Variants in TTC27 observed in about 807,000 individuals in gnomAD.
TTC27 encodes tetratricopeptide repeat domain 27, also known as tetratricopeptide repeat protein 27.
TTC27 carries 79 observed loss-of-function variants against 115.9 expected under a neutral mutation model. The ratio of observed to expected loss-of-function variants is 0.68; its 90% CI spans 0.57 to 0.82. The LOEUF is 0.82. Among genes scored for constraint, TTC27 ranks in the 40% least tolerant of loss-of-function variants. The probability of loss-of-function intolerance (pLI) is 0.00; values close to 1 mark genes in which losing one functional copy is unlikely to be tolerated. For missense variants in TTC27, 1,054 were observed against 993.1 expected, an observed-to-expected ratio of 1.06 and a Z score of -0.82; for synonymous variants, 401 against 356.0, an observed-to-expected ratio of 1.13 and a Z score of -1.42.
Position 32,701,544 on chromosome 2 carries a change from G to A in TTC27, c.1120-1263G>A, listed in dbSNP as rs547084789. On this transcript the variant is annotated intron_variant, in intron 9 of 19. Transcript: ENST00000317907. ...TGCTTCATTTTCCTCTTATTGTAAG[G>A]GGGTTGGTCTATATTAGAGTTAGTT... Among the ~76,000 whole-genome samples, 3 of 152,198 alleles carry A rather than the reference G, an allele frequency of 2.0e-5. No individual in the cohort carries two copies. In the South Asian group the frequency reaches 6.2e-4, roughly 32 times the overall value.
intron 18 of TTC27, among the ~76,000 whole-genome samples, chr2:32,816,427 T>C (rs1358288734): frequency 6.6e-6 from 1 of 152,140 alleles, no homozygotes; most frequent in Non-Finnish European, 1.5e-5. Flanking sequence ...TGATTATTGG[T>C]CTGTTTGAAT....
chr2:32,717,849 T>C (rs1272637254), intron 10 of TTC27, among the ~76,000 whole-genome samples: 3 of 152,198 alleles, frequency 2.0e-5, no homozygotes, highest in Admixed American at 6.5e-5. Flanking sequence ...TCTGGATGTA[T>C]CTAAATTTGA....
chr2:32,657,187 G>T (rs1432574700), intron 5 of TTC27, among the ~76,000 whole-genome samples: 1 of 151,506 alleles, frequency 6.6e-6, no homozygotes, highest in Non-Finnish European at 1.5e-5. Flanking sequence ...GGGTTTCACT[G>T]TGTTAGCCAG....
chr2:32,698,073 TG>T (rs1667054210), intron 9 of TTC27, among the ~76,000 whole-genome samples: 1 of 152,196 alleles, frequency 6.6e-6, no homozygotes, highest in African/African-American at 2.4e-5. Context: ...TTACAAAGCA[TG>T]GTAGCACATT....
intron 18 of TTC27, among the ~76,000 whole-genome samples, chr2:32,816,617 C>T (rs2148052378): frequency 6.6e-6 from 1 of 152,344 alleles, no homozygotes; most frequent in South Asian, 2.1e-4. Flanking sequence ...CCCCAGAATG[C>T]TGGGAGCAGA....
In TTC27 at chr2:32,628,075, G is replaced by C. The variant is rs771096865; in HGVS notation, c.-218G>C. ...CTTCTCCTAGGCGGAAGCCAGACCAGAGAGCGTGCGTGTTTTTCCCAGGGT... is the reference window on the plus strand; with the variant it reads ...CTTCTCCTAGGCGGAAGCCAGACCACAGAGCGTGCGTGTTTTTCCCAGGGT... On this transcript the variant is annotated 5_prime_UTR_variant, in exon 1 of 20. Transcript: ENST00000317907. 9 of 545,256 alleles carry C rather than the reference G, an allele frequency of 1.7e-5. No individual in the cohort carries two copies. The East Asian group carries it at 3.1e-4, about 19-fold the overall frequency. The allele number at this position is 545,256 out of a possible 1,614,324, so 33.8% of individuals were successfully genotyped here.
In TTC27 at chr2:32,820,843, G is replaced by C; in HGVS notation, c.2437G>C (p.Glu813Gln). The change falls in exon 20 of 20, where the codon GAA becomes CAA. Residue 813 changes from glutamate (E) to glutamine (Q), a missense_variant. Transcript: ENST00000317907. The part of the protein sequence containing the change: ...KQLFTDVATG[E>Q]MSRELADDIT... ...ACTTTTTACAGATGTGGCAACTGGA[G>C]AAATGTCCAGGGAATTAGCTGATGA... 6.5e-7 allele frequency: 1 copy of C among 1,538,770 alleles called. No individual in the cohort carries two copies. Among genetic ancestry groups the C allele is most frequent in the Non-Finnish European group, 8.8e-7 (1 of 1,138,706 alleles).
Position 32,737,587 on chromosome 2 carries a change from A to C in TTC27, c.1452+771A>C. On this transcript the variant is annotated intron_variant, in intron 12 of 19. Transcript: ENST00000317907. The stretch of plus-strand genomic sequence containing the variant: ...TGTGTTTTTCTTAAATACCTTCCTA[A>C]GTATGTCTATTTTAGATTAATAGTG... Among the ~76,000 whole-genome samples the C allele has an allele frequency of 1.3e-5, 2 of 152,162 alleles. 1 individual carries two copies. The highest frequency in any genetic ancestry group is 4.1e-4 in the South Asian group (2 of 4,820).
chr2:32,707,782 A>G (rs956393276), intron 10 of TTC27, among the ~76,000 whole-genome samples: 1 of 152,136 alleles, frequency 6.6e-6, no homozygotes, highest in Non-Finnish European at 1.5e-5. Flanking sequence ...AGAAGCATTT[A>G]CAGCTCAGTA....
chr2:32,632,684 T>C (rs961225085), intron 2 of TTC27, among the ~76,000 whole-genome samples: 1 of 152,140 alleles, frequency 6.6e-6, no homozygotes, highest in Non-Finnish European at 1.5e-5. Context: ...TTTTTTTTTC[T>C]TTTTCTGAAA....
chr2:32,734,181 C>T (rs976008246), intron 11 of TTC27, among the ~76,000 whole-genome samples: 5 of 151,922 alleles, frequency 3.3e-5, no homozygotes, highest in Admixed American at 3.3e-4. Context: ...ATCATAAATG[C>T]TTGCATTTTG....
chr2:32,708,609 CTTTT>C (rs1301971944), intron 10 of TTC27, among the ~76,000 whole-genome samples: 1 of 151,774 alleles, frequency 6.6e-6, no homozygotes, highest in Non-Finnish European at 1.5e-5. Flanking sequence ...CGCCCGGCCT[CTTTT>C]TTTATTTTTC....
chr2:32,660,778 T>C (rs529693475), intron 5 of TTC27, among the ~76,000 whole-genome samples: 63 of 152,316 alleles, frequency 4.1e-4, no homozygotes, highest in East Asian at 3.1e-3. Context: ...TTTAATTAGA[T>C]CTCATTTGTC....
At chr2:32,738,442 T>G (rs894077407) in intron 12 of TTC27, among the ~76,000 whole-genome samples, 3 of 152,238 alleles carry the variant, frequency 2.0e-5, no homozygotes, top group Non-Finnish European at 2.9e-5. Context: ...TTCTTCATAT[T>G]TTAATATCTC....
chr2:32,640,934 A>G lies in TTC27; in HGVS notation c.537+524A>G, dbSNP rs527882326. On this transcript the variant is annotated intron_variant, in intron 4 of 19. Coordinates refer to ENST00000317907, the MANE Select transcript of TTC27 (RefSeq NM_017735.5). The stretch of plus-strand genomic sequence containing the variant: ...GAGGTGGAGGTTGCAGTGAGCCGTG[A>G]TTGCGCCATTGCACTCCAGCCTGGG... 4.3e-4 allele frequency among the ~76,000 whole-genome samples: 65 copies of G among 152,250 alleles called. 2 individuals are homozygous for G. The South Asian group carries it at 0.014, about 32-fold the overall frequency.
At chr2:32,765,570 C>G (rs949036259) in intron 13 of TTC27, among the ~76,000 whole-genome samples, 1 of 152,090 alleles carries the variant, frequency 6.6e-6, no homozygotes, top group African/African-American at 2.4e-5. Context: ...GTATTAGCCC[C>G]TAATAGGAGA....
rs576570562 is a variant in TTC27 at position 32,777,885 on chromosome 2, G to A, written c.1684G>A (p.Gly562Arg). 5.8e-5 allele frequency: 94 copies of A among 1,613,836 alleles called. No individual in the cohort carries two copies. The South Asian group carries it at 9.1e-4, about 16-fold the overall frequency. Residue 562 changes from glycine to arginine, a missense_variant, in exon 14 of 20, where the codon GGG (glycine) becomes AGG (arginine). Physicochemically the swap from Gly to Arg is moderately radical, Grantham distance 125. Transcript: ENST00000317907. ...RSVKINPMQL[G>R]VWFSLGCAYL... The stretch of plus-strand genomic sequence containing the variant: ...CTTTGACTTTTGGTCTTTGCAGCTC[G>A]GGGTGTGGTTTTCTCTCGGTTGTGC...
Position 32,665,833 on chromosome 2 carries a change from G to A in TTC27, c.806-802G>A, listed in dbSNP as rs556841617. Among the ~76,000 whole-genome samples the A allele has an allele frequency of 1.1e-4, 17 of 152,346 alleles. No individual in the cohort carries two copies. The South Asian group carries it at 3.5e-3, about 32-fold the overall frequency. On this transcript the variant is annotated intron_variant, in intron 6 of 19. Transcript: ENST00000317907. ...TTGAACCAGGGAGTCGGAGGTTGCAGTGAGCTGAGATCGCACCACTGCACT... is the reference window on the plus strand; with the variant it reads ...TTGAACCAGGGAGTCGGAGGTTGCAATGAGCTGAGATCGCACCACTGCACT...
At chr2:32,660,020 G>T (rs1054820525) in intron 5 of TTC27, among the ~76,000 whole-genome samples, 1 of 151,956 alleles carries the variant, frequency 6.6e-6, no homozygotes, top group Non-Finnish European at 1.5e-5. Flanking sequence ...TAATCCTTTG[G>T]GTGTATACCC....
Sources: allele counts gnomAD v4.1 joint callset (sites outside exome capture counted in the v4.1 genomes callset), GRCh38; gene constraint gnomAD v4.1.1; transcripts MANE v1.5; gene names NCBI Gene and HGNC (gene_info 2026-07-23, HGNC 2026-07-21).